WHRN: variants seen among roughly 807,000 people sequenced by gnomAD.
The protein encoded by WHRN is CASK-interacting protein CIP98.
WHRN carries 41 observed loss-of-function variants against 68.3 expected under a neutral mutation model. The ratio of observed to expected loss-of-function variants is 0.60; its 90% CI spans 0.47 to 0.78. The LOEUF (loss-of-function observed/expected upper bound fraction) is 0.78, where lower values mean the gene tolerates loss of function less well. Ranked by LOEUF, WHRN falls within the 30% of genes least tolerant of loss-of-function variation. WHRN has a pLI of 0.00. For synonymous variants in WHRN, 560 were observed against 561.3 expected (o/e 1.00, Z 0.03); for missense variants, 1,243 against 1,244.7 (o/e 1.00, Z 0.02).
intron 3 of WHRN, among the ~76,000 whole-genome samples, chr9:114,460,427 G>A (rs563903661): frequency 1.3e-4 from 20 of 152,208 alleles, no homozygotes; most frequent in Non-Finnish European, 2.8e-4. Context: ...CATAATAACT[G>A]GTTAATAAAT....
At chr9:114,490,310 T>G (rs1842875954) in intron 1 of WHRN, among the ~76,000 whole-genome samples, 1 of 152,182 alleles carries the variant, frequency 6.6e-6, no homozygotes, top group Non-Finnish European at 1.5e-5. Flanking sequence ...TGAGGAAATG[T>G]GAATACACAA....
chr9:114,478,787 T>G lies in WHRN; in HGVS notation c.619-16A>C. The G allele has an allele frequency of 6.2e-7, 1 of 1,605,080 alleles. No individual in the cohort carries two copies. Among genetic ancestry groups the G allele is most frequent in the Non-Finnish European group, 8.5e-7 (1 of 1,177,382 alleles). ...CCTTCAGAGCCTAGGGAGAGAGGGA[T>G]ACAAAGGTTAGAGGAAGGGAGGTGC... On this transcript the variant is annotated splice_polypyrimidine_tract_variant and intron_variant, in intron 1 of 11. Coordinates refer to ENST00000362057, the MANE Select transcript of WHRN (RefSeq NM_015404.4).
intron 7 of WHRN, among the ~76,000 whole-genome samples, chr9:114,417,649 T>C (rs1277262052): frequency 1.3e-5 from 2 of 152,212 alleles, no homozygotes; most frequent in African/African-American, 4.8e-5. Flanking sequence ...TGTTTTGGGT[T>C]GTTGTCCACA....
intron 1 of WHRN, among the ~76,000 whole-genome samples, chr9:114,491,000 C>CT (rs902417052): frequency 2.0e-5 from 3 of 151,584 alleles, no homozygotes; most frequent in Non-Finnish European, 4.4e-5. Context: ...TCTGTTTATT[C>CT]TTTTTTTTTC....
intron 9 of WHRN, 89 bp downstream of exon 9, chr9:114,406,266 G>C: frequency 6.3e-7 from 1 of 1,576,490 alleles, no homozygotes; most frequent in Non-Finnish European, 8.7e-7. Context: ...CAAGTAGCTG[G>C]TCCCCCCCTT....
At chr9:114,437,197 T>C (rs966130976) in intron 3 of WHRN, among the ~76,000 whole-genome samples, 9 of 152,176 alleles carry the variant, frequency 5.9e-5, no homozygotes, top group Non-Finnish European at 1.0e-4. Flanking sequence ...TATGCAGTAG[T>C]AGGATAAATG....
At chr9:114,482,203 TA>T (rs2042764561) in intron 1 of WHRN, among the ~76,000 whole-genome samples, 1 of 151,962 alleles carries the variant, frequency 6.6e-6, no homozygotes, top group Admixed American at 6.6e-5. Context: ...TGGTGAGAGA[TA>T]AAGAATCATC....
chr9:114,482,900 C>A (rs1241476978), intron 1 of WHRN, among the ~76,000 whole-genome samples: 1 of 152,002 alleles, frequency 6.6e-6, no homozygotes, highest in Admixed American at 6.5e-5. Flanking sequence ...AGGCTGCCCA[C>A]CCCCAGTATT....
intron 3 of WHRN, among the ~76,000 whole-genome samples, chr9:114,436,194 T>C (rs1008544579): frequency 3.3e-5 from 5 of 152,124 alleles, no homozygotes; most frequent in African/African-American, 1.2e-4. Flanking sequence ...AGAGACACTG[T>C]AAAGATCAGT....
At chr9:114,488,112 C>T (rs929539952) in intron 1 of WHRN, among the ~76,000 whole-genome samples, 3 of 152,202 alleles carry the variant, frequency 2.0e-5, no homozygotes, top group African/African-American at 7.2e-5. Context: ...CATTCTCAAA[C>T]AGTGTTCAAC....
intron 3 of WHRN, among the ~76,000 whole-genome samples, chr9:114,443,870 C>T (rs1263708460): frequency 2.0e-5 from 3 of 152,006 alleles, no homozygotes; most frequent in East Asian, 1.9e-4. Context: ...CACAGTTCCA[C>T]GTGGCTGGGT....
intron 7 of WHRN, among the ~76,000 whole-genome samples, chr9:114,416,100 G>A (rs1589085876): frequency 6.6e-6 from 1 of 152,164 alleles, no homozygotes; most frequent in Non-Finnish European, 1.5e-5. Flanking sequence ...GACAAGAGGA[G>A]GGAAGAAGGA....
intron 1 of WHRN, among the ~76,000 whole-genome samples, chr9:114,486,941 T>G (rs1226746999): frequency 1.3e-3 from 7 of 5,422 alleles, no homozygotes; most frequent in African/African-American, 1.7e-3. Context: ...TGTGTGTGTG[T>G]TGTGTGTGTG....
chr9:114,457,335 CAAAT>C (rs922535090), intron 3 of WHRN, among the ~76,000 whole-genome samples: 1 of 152,034 alleles, frequency 6.6e-6, no homozygotes, highest in African/African-American at 2.4e-5. Context: ...AGTAAACAAA[CAAAT>C]AAATAAGCAT....
chr9:114,429,345 A>C (rs1837196040), intron 3 of WHRN, among the ~76,000 whole-genome samples: 1 of 152,200 alleles, frequency 6.6e-6, no homozygotes, highest in African/African-American at 2.4e-5. Flanking sequence ...TAATGGTTTC[A>C]AAGACAATCA....
At chr9:114,485,368 A>C (rs910351235) in intron 1 of WHRN, among the ~76,000 whole-genome samples, 6 of 152,182 alleles carry the variant, frequency 3.9e-5, no homozygotes, top group Admixed American at 2.0e-4. Flanking sequence ...CCAATTGCCT[A>C]AACTCTCTGT....
chr9:114,427,216 C>T (rs796651868), intron 3 of WHRN, among the ~76,000 whole-genome samples: 4 of 152,300 alleles, frequency 2.6e-5, no homozygotes, highest in African/African-American at 7.2e-5. Flanking sequence ...TGTGATTGCA[C>T]CACCATACTC....
chr9:114,488,909 G>A (rs950850964), intron 1 of WHRN, among the ~76,000 whole-genome samples: 11 of 152,104 alleles, frequency 7.2e-5, no homozygotes, highest in Admixed American at 7.2e-4. Context: ...TAAAACATAC[G>A]TGGACTCTGA....
In WHRN at chr9:114,463,533, A is replaced by G. The variant is rs377605973; in HGVS notation, c.963+2734T>C. Reference sequence around the variant, plus strand: ...AAAGACATGAGTGGAGAAACTGTGAATAAGGCCTGTAGTTTGTTTAACAAT... The same window carrying G: ...AAAGACATGAGTGGAGAAACTGTGAGTAAGGCCTGTAGTTTGTTTAACAAT... On this transcript the variant is annotated intron_variant, in intron 3 of 11. Transcript: ENST00000362057. Among the ~76,000 whole-genome samples, 43 of 152,328 alleles carry G rather than the reference A, an allele frequency of 2.8e-4. No homozygotes were observed. The East Asian group carries it at 7.3e-3, about 26-fold the overall frequency.
Sources: gnomAD v4.1 joint callset for allele counts (sites outside exome capture counted in the v4.1 genomes callset) on GRCh38, gnomAD v4.1.1 for gene constraint, MANE v1.5 for transcripts, NCBI Gene and HGNC (gene_info 2026-07-23, HGNC 2026-07-21) for gene names.